The following WARS2 variants were observed in gnomAD, a reference collection of about 807,000 sequenced individuals.
The protein encoded by WARS2 is tryptophan--tRNA ligase, mitochondrial.
A neutral mutation model predicts 36.5 loss-of-function variants in WARS2; 28 were observed. The observed-to-expected ratio is 0.77, with a 90% CI of 0.57 to 1.05. The LOEUF is 1.05. Among genes scored for constraint, WARS2 ranks in the 50% least tolerant of loss-of-function variants. WARS2 has a pLI of 0.00. For synonymous variants in WARS2, 174 were observed against 178.4 expected (o/e 0.98, Z 0.20); for missense variants, 435 against 456.8 (o/e 0.95, Z 0.44).
intron 2 of WARS2, among the ~76,000 whole-genome samples, chr1:119,068,685 A>G (rs2101263946): frequency 6.6e-6 from 1 of 152,314 alleles, no homozygotes; most frequent in African/African-American, 2.4e-5. Context: ...AGGCAGCTGT[A>G]CGACTCAGAC....
chr1:119,042,015 T>C (rs1274772360), intron 4 of WARS2, among the ~76,000 whole-genome samples: 1 of 152,214 alleles, frequency 6.6e-6, no homozygotes, highest in Non-Finnish European at 1.5e-5. Context: ...ACATTGTAAG[T>C]GCTATTTAAA....
At chr1:119,102,333 C>T (rs1316725442) in intron 1 of WARS2, among the ~76,000 whole-genome samples, 3 of 152,230 alleles carry the variant, frequency 2.0e-5, no homozygotes, top group Admixed American at 1.3e-4. Flanking sequence ...GAGCTTCTCT[C>T]TATTTAACCG....
intron 1 of WARS2, among the ~76,000 whole-genome samples, chr1:119,123,712 A>C (rs1371424281): frequency 2.6e-5 from 4 of 152,026 alleles, no homozygotes; most frequent in Non-Finnish European, 5.9e-5. Flanking sequence ...GGATAATACT[A>C]TCTTGTCTGG....
intron 1 of WARS2, among the ~76,000 whole-genome samples, chr1:119,101,602 T>C (rs1250062245): frequency 6.6e-6 from 1 of 152,222 alleles, no homozygotes; most frequent in Non-Finnish European, 1.5e-5. Flanking sequence ...TAAACCCACA[T>C]GTCCTCAAAT....
chr1:119,121,392 A>G (rs755673024), intron 1 of WARS2, among the ~76,000 whole-genome samples: 14 of 152,150 alleles, frequency 9.2e-5, no homozygotes, highest in Non-Finnish European at 1.8e-4. Flanking sequence ...GAAATCATAG[A>G]TGACACAAAC....
intron 2 of WARS2, among the ~76,000 whole-genome samples, chr1:119,074,109 G>A (rs1651533271): frequency 6.6e-6 from 1 of 152,210 alleles, no homozygotes; most frequent in Middle Eastern, 3.2e-3. Context: ...CTTAGATGAA[G>A]TGAAGATGAT....
chr1:119,095,786 A>C (rs1653399352), intron 1 of WARS2, among the ~76,000 whole-genome samples: 1 of 152,196 alleles, frequency 6.6e-6, no homozygotes, highest in Admixed American at 6.5e-5. Context: ...CATATCTTTG[A>C]GCCTCTTATA....
chr1:119,036,317 C>G (rs891622059), intron 4 of WARS2, among the ~76,000 whole-genome samples: 6 of 152,178 alleles, frequency 3.9e-5, no homozygotes, highest in African/African-American at 1.4e-4. Context: ...AGTAGAAAGC[C>G]ACTGGATCAG....
At chr1:119,081,209 G>A (rs2101349081) in intron 1 of WARS2, among the ~76,000 whole-genome samples, 1 of 152,314 alleles carries the variant, frequency 6.6e-6, no homozygotes, top group East Asian at 1.9e-4. Flanking sequence ...CATCCAAAAT[G>A]TGTAATTTCC....
At chr1:119,131,556 G>C (rs942844031) in intron 1 of WARS2, among the ~76,000 whole-genome samples, 2 of 145,086 alleles carry the variant, frequency 1.4e-5, no homozygotes, top group Admixed American at 1.4e-4. Context: ...TCCGCCTCCC[G>C]GGTTCACATC....
intron 1 of WARS2, chr1:119,126,400 G>A (rs1655658569): frequency 3.4e-6 from 1 of 295,174 alleles, no homozygotes; most frequent in Non-Finnish European, 6.3e-6. Context: ...CCTACAGTGT[G>A]CCTAGCACTG....
intron 1 of WARS2, among the ~76,000 whole-genome samples, chr1:119,119,078 A>G (rs2101530590): frequency 6.6e-6 from 1 of 152,296 alleles, no homozygotes; most frequent in East Asian, 1.9e-4. Flanking sequence ...TCACATCTCA[A>G]TACTAATGTT....
chr1:119,137,551 CT>C (rs1656599201), intron 1 of WARS2, among the ~76,000 whole-genome samples: 1 of 152,172 alleles, frequency 6.6e-6, no homozygotes, highest in South Asian at 2.1e-4. Context: ...ATATTTCACT[CT>C]TTGCACAATA....
intron 1 of WARS2, among the ~76,000 whole-genome samples, chr1:119,135,715 C>CAGACAGAT (rs1656439745): frequency 2.0e-5 from 3 of 146,966 alleles, no homozygotes; most frequent in African/African-American, 5.0e-5. Context: ...ATTAGATAGA[C>CAGACAGAT]AGATAGATAG....
chr1:119,083,946 C>T (rs1652405698), intron 1 of WARS2, among the ~76,000 whole-genome samples: 1 of 151,884 alleles, frequency 6.6e-6, no homozygotes. Flanking sequence ...TACAGGTAAT[C>T]GATCAAGAAG....
At chr1:119,118,898 C>A (rs6671822) in intron 1 of WARS2, among the ~76,000 whole-genome samples, 120,756 of 152,140 alleles carry the variant, frequency 0.79, 48,342 homozygotes, top group East Asian at 0.89. Flanking sequence ...ATTCACCAAT[C>A]CCAAGCCAGC....
intron 1 of WARS2, among the ~76,000 whole-genome samples, chr1:119,125,647 T>C (rs587678663): frequency 2.0e-5 from 3 of 152,276 alleles, no homozygotes; most frequent in South Asian, 4.2e-4. Context: ...CAGGAGACAA[T>C]GGGTCCAAAA....
intron 1 of WARS2, among the ~76,000 whole-genome samples, chr1:119,116,587 C>T (rs1247405104): frequency 6.6e-6 from 1 of 152,182 alleles, no homozygotes; most frequent in African/African-American, 2.4e-5. Context: ...GGGGAAAAAG[C>T]CTCTGAGCAC....
rs1257188837 is a variant in WARS2 at position 119,066,466 on chromosome 1, A to C, written c.348+9884T>G. 2.2e-5 allele frequency among the ~76,000 whole-genome samples: 3 copies of C among 135,220 alleles called. No individual in the cohort carries two copies. The East Asian group carries it at 7.2e-4, about 33-fold the overall frequency. 88.7% of individuals were successfully genotyped at this position (135,220 alleles called of 152,430 possible). A position where few individuals can be genotyped will look rare whatever the true frequency, so the allele number is the denominator to read the frequency against. On this transcript the variant is annotated intron_variant, in intron 2 of 5. Transcript: ENST00000235521. ...GCACTCCAGCATGGGTGACAGAGAG[A>C]GGCTCTGTCTCAAAAAAAAAAAAAA... is the stretch of plus-strand genomic sequence containing the variant.
Sources: allele counts gnomAD v4.1 joint callset (sites outside exome capture counted in the v4.1 genomes callset), GRCh38; gene constraint gnomAD v4.1.1; transcripts MANE v1.5; gene names NCBI Gene and HGNC (gene_info 2026-07-23, HGNC 2026-07-21).